CNTNAP2: variants seen among roughly 807,000 people sequenced by gnomAD.
The protein encoded by CNTNAP2 is contactin-associated protein-like 2.
In CNTNAP2, 98 loss-of-function variants were observed where a neutral mutation model predicts 155.2. That is an observed-to-expected ratio of 0.63 (90% confidence interval 0.54 to 0.75). CNTNAP2 has a LOEUF of 0.75. Ranked by LOEUF, CNTNAP2 falls within the 30% of genes least tolerant of loss-of-function variation. The probability of loss-of-function intolerance (pLI) is 0.00; values close to 1 mark genes in which losing one functional copy is unlikely to be tolerated. For missense variants in CNTNAP2, 1,727 were observed against 1,688.1 expected (o/e 1.02, Z -0.40); for synonymous variants, 651 against 631.2 (o/e 1.03, Z -0.47).
chr7:146,417,102 A>G (rs1323119694), intron 1 of CNTNAP2, among the ~76,000 whole-genome samples: 2 of 152,136 alleles, frequency 1.3e-5, no homozygotes, highest in African/African-American at 4.8e-5. Context: ...CAGAAGAGAA[A>G]GAATTCTTAA....
intron 13 of CNTNAP2, among the ~76,000 whole-genome samples, chr7:147,827,158 A>G (rs1584976832): frequency 6.6e-6 from 1 of 152,160 alleles, no homozygotes; most frequent in East Asian, 1.9e-4. Context: ...CTGAATACAT[A>G]ATACATTTTA....
intron 8 of CNTNAP2, among the ~76,000 whole-genome samples, chr7:147,246,877 T>G (rs954474567): frequency 1.1e-4 from 16 of 152,124 alleles, no homozygotes; most frequent in African/African-American, 3.9e-4. Flanking sequence ...AAAACTTGTA[T>G]GACAAAATAG....
At chr7:146,862,909 G>T (rs370722870) in intron 3 of CNTNAP2, among the ~76,000 whole-genome samples, 14 of 152,286 alleles carry the variant, frequency 9.2e-5, no homozygotes, top group African/African-American at 3.4e-4. Flanking sequence ...AACAGATTCA[G>T]TAATAAACCA....
chr7:146,197,323 AT>A (rs1326488554), intron 1 of CNTNAP2, among the ~76,000 whole-genome samples: 1 of 152,208 alleles, frequency 6.6e-6, no homozygotes, highest in African/African-American at 2.4e-5. Context: ...CAAGTTTAAA[AT>A]TTGCTAAGTC....
intron 1 of CNTNAP2, among the ~76,000 whole-genome samples, chr7:146,772,849 G>A (rs1802319967): frequency 6.6e-6 from 1 of 152,156 alleles, no homozygotes; most frequent in Non-Finnish European, 1.5e-5. Flanking sequence ...AGGAGCCAGA[G>A]AGCATTTTGA....
At chr7:146,688,011 A>G (rs1417910789) in intron 1 of CNTNAP2, among the ~76,000 whole-genome samples, 1 of 152,118 alleles carries the variant, frequency 6.6e-6, no homozygotes, top group East Asian at 1.9e-4. Context: ...AGGTGCAGAA[A>G]CTTAATTTCT....
chr7:147,287,176 G>A (rs935886841), intron 8 of CNTNAP2, among the ~76,000 whole-genome samples: 2 of 152,066 alleles, frequency 1.3e-5, no homozygotes, highest in Non-Finnish European at 2.9e-5. Context: ...GGGGTCAGTG[G>A]ATGCAACATT....
At chr7:146,487,497 T>G (rs950824204) in intron 1 of CNTNAP2, among the ~76,000 whole-genome samples, 3 of 152,232 alleles carry the variant, frequency 2.0e-5, no homozygotes, top group Non-Finnish European at 2.9e-5. Flanking sequence ...TACAACTTAA[T>G]GCTAATATCT....
chr7:146,971,026 A>G (rs1004352335), intron 3 of CNTNAP2, among the ~76,000 whole-genome samples: 5 of 152,178 alleles, frequency 3.3e-5, no homozygotes, highest in African/African-American at 4.8e-5. Flanking sequence ...ACACATGGAC[A>G]CAGGAAGGGG....
chr7:146,660,384 C>A (rs1482006704), intron 1 of CNTNAP2, among the ~76,000 whole-genome samples: 1 of 152,136 alleles, frequency 6.6e-6, no homozygotes, highest in African/African-American at 2.4e-5. Flanking sequence ...GTCAGAAAGA[C>A]CTGAGTTCAA....
At chr7:148,153,776 C>A (rs1023261600) in intron 17 of CNTNAP2, among the ~76,000 whole-genome samples, 3 of 152,204 alleles carry the variant, frequency 2.0e-5, no homozygotes, top group Non-Finnish European at 4.4e-5. Flanking sequence ...GGCCCCCAGC[C>A]TGGGAGGCTG....
chr7:146,485,776 G>T, intron 1 of CNTNAP2, among the ~76,000 whole-genome samples: 1 of 151,792 alleles, frequency 6.6e-6, no homozygotes. Context: ...AATAATAACA[G>T]AGTGATGAAA....
intron 14 of CNTNAP2, among the ~76,000 whole-genome samples, chr7:147,923,854 G>A (rs1449652409): frequency 6.6e-6 from 1 of 151,978 alleles, no homozygotes; most frequent in African/African-American, 2.4e-5. Context: ...AGAAAAAAAC[G>A]TAGTCTGCAA....
chr7:146,366,420 G>A (rs548629950), intron 1 of CNTNAP2, among the ~76,000 whole-genome samples: 125 of 151,884 alleles, frequency 8.2e-4, no homozygotes, highest in Non-Finnish European at 7.7e-4. Context: ...CCATTTATCC[G>A]GACAAGGCAC....
At chr7:147,959,954 T>C (rs1160490935) in intron 14 of CNTNAP2, among the ~76,000 whole-genome samples, 1 of 152,166 alleles carries the variant, frequency 6.6e-6, no homozygotes. Context: ...TCTCATCCTA[T>C]TCAAAACTAC....
chr7:148,059,502 C>T (rs527882207), intron 15 of CNTNAP2, among the ~76,000 whole-genome samples: 13 of 150,952 alleles, frequency 8.6e-5, no homozygotes, highest in Non-Finnish European at 1.5e-4. Context: ...GCAGGAAAAT[C>T]GCTTGAACCC....
At chr7:148,226,349 G>A (rs1795848176) in intron 19 of CNTNAP2, among the ~76,000 whole-genome samples, 1 of 152,090 alleles carries the variant, frequency 6.6e-6, no homozygotes, top group South Asian at 2.1e-4. Flanking sequence ...CACGAGCAGG[G>A]CAGAAGAGGG....
intron 12 of CNTNAP2, among the ~76,000 whole-genome samples, chr7:147,603,524 G>T (rs1800999429): frequency 1.3e-5 from 2 of 152,122 alleles, no homozygotes; most frequent in South Asian, 4.1e-4. Context: ...GGGAAGTGAA[G>T]GACCTCTTCA....
At chr7:146,485,993 TTAG>T (rs1263751397) in intron 1 of CNTNAP2, among the ~76,000 whole-genome samples, 1 of 151,274 alleles carries the variant, frequency 6.6e-6, no homozygotes, top group East Asian at 2.0e-4. Context: ...TTTGTATCAG[TTAG>T]TAGTACATTC....
Sources: gnomAD v4.1 joint callset for allele counts (sites outside exome capture counted in the v4.1 genomes callset) on GRCh38, gnomAD v4.1.1 for gene constraint, MANE v1.5 for transcripts, NCBI Gene and HGNC (gene_info 2026-07-23, HGNC 2026-07-21) for gene names.